The following BMPR1A variants were observed in gnomAD, a reference collection of about 807,000 sequenced individuals.
BMPR1A encodes bone morphogenetic protein receptor type 1A, also known as bone morphogenetic protein receptor type-1A.
Under a neutral mutation model 66.0 loss-of-function variants are expected in BMPR1A, and 7 were observed. The ratio of observed to expected loss-of-function variants is 0.11; its 90% CI spans 0.06 to 0.20. The LOEUF (loss-of-function observed/expected upper bound fraction) is 0.20. Ranked by LOEUF, BMPR1A falls within the 10% of genes least tolerant of loss-of-function variation. The probability of loss-of-function intolerance (pLI) is 1.00; values close to 1 mark genes in which losing one functional copy is unlikely to be tolerated. For synonymous variants in BMPR1A, 200 were observed against 229.7 expected (o/e 0.87, Z 1.17); for missense variants, 408 against 669.1 (o/e 0.61, Z 4.31).
chr10:86,922,950 A>T (rs984764396), intron 11 of BMPR1A, among the ~76,000 whole-genome samples: 1 of 152,270 alleles, frequency 6.6e-6, no homozygotes, highest in Admixed American at 6.5e-5. Flanking sequence ...CGCCTTTCCT[A>T]AGGGAAGGTC....
At chr10:86,852,187 A>G (rs1310477553) in intron 2 of BMPR1A, among the ~76,000 whole-genome samples, 2 of 152,182 alleles carry the variant, frequency 1.3e-5, no homozygotes, top group Non-Finnish European at 2.9e-5. Context: ...TTACTAGGCT[A>G]TACAGCAAGT....
At chr10:86,879,797 A>G (rs576035148) in intron 3 of BMPR1A, among the ~76,000 whole-genome samples, 2 of 152,222 alleles carry the variant, frequency 1.3e-5, no homozygotes, top group African/African-American at 4.8e-5. Flanking sequence ...TATATCCAGT[A>G]TCCAGTGATA....
intron 1 of BMPR1A, among the ~76,000 whole-genome samples, chr10:86,795,597 T>C (rs1841697018): frequency 6.6e-6 from 1 of 152,118 alleles, no homozygotes; most frequent in Non-Finnish European, 1.5e-5. Context: ...AGAGAAGCAA[T>C]AGTGAGGCTA....
intron 3 of BMPR1A, among the ~76,000 whole-genome samples, chr10:86,885,747 A>G (rs1008008211): frequency 6.6e-6 from 1 of 152,226 alleles, no homozygotes; most frequent in Admixed American, 6.5e-5. Flanking sequence ...GTGCATCAGT[A>G]GCCCATTGGT....
intron 2 of BMPR1A, among the ~76,000 whole-genome samples, chr10:86,871,802 C>CA (rs35659562): frequency 2.0e-3 from 249 of 123,810 alleles, no homozygotes; most frequent in African/African-American, 3.7e-3. Context: ...ACTCTGCCTC[C>CA]AAAAAAAAAA....
chr10:86,855,800 T>C, intron 2 of BMPR1A: 1 of 1,141,904 alleles, frequency 8.8e-7, no homozygotes, highest in South Asian at 1.6e-5. Context: ...ATTTGGTCTG[T>C]TTCCTGGTAG....
chr10:86,788,852 C>T (rs1429840727), intron 1 of BMPR1A, among the ~76,000 whole-genome samples: 1 of 152,106 alleles, frequency 6.6e-6, no homozygotes, highest in Non-Finnish European at 1.5e-5. Flanking sequence ...GGCGATTCAC[C>T]CACCTCAGTC....
At chr10:86,892,879 A>G (rs2133413564) in intron 5 of BMPR1A, among the ~76,000 whole-genome samples, 1 of 151,974 alleles carries the variant, frequency 6.6e-6, no homozygotes, top group South Asian at 2.1e-4. Context: ...AAAAAAAAAA[A>G]AATTCTTTTT....
At chr10:86,837,230 G>GCTGTGTGTGTGTGTGTGTGTGT (rs1554883358) in intron 1 of BMPR1A, among the ~76,000 whole-genome samples, 171 of 86,894 alleles carry the variant, frequency 2.0e-3, no homozygotes, top group African/African-American at 6.2e-3. Flanking sequence ...TTAGAATCAG[G>GCTGTGTGTGTGTGTGTGTGTGT]CTGTGTGTGT....
chr10:86,928,296 C>G (rs1423166463), downstream of BMPR1A: 1 of 145,872 alleles, frequency 6.9e-6, no homozygotes, highest in Admixed American at 7.0e-5. Flanking sequence ...GATCTCAGCT[C>G]ACTGCAACCT....
intron 2 of BMPR1A, among the ~76,000 whole-genome samples, chr10:86,852,905 T>C (rs958422992): frequency 2.0e-5 from 3 of 152,094 alleles, no homozygotes; most frequent in Admixed American, 2.0e-4. Flanking sequence ...CTAATAAATG[T>C]GATAGAATTG....
chr10:86,803,479 G>A (rs1296019864), intron 1 of BMPR1A, among the ~76,000 whole-genome samples: 1 of 152,028 alleles, frequency 6.6e-6, no homozygotes, highest in East Asian at 1.9e-4. Context: ...GTGTTTTCCA[G>A]TTCTTTTATA....
chr10:86,796,930 T>C (rs1325140719), intron 1 of BMPR1A, among the ~76,000 whole-genome samples: 3 of 152,208 alleles, frequency 2.0e-5, no homozygotes, highest in Non-Finnish European at 2.9e-5. Context: ...TTATTCTCTT[T>C]AGCTCTCATG....
intron 1 of BMPR1A, among the ~76,000 whole-genome samples, chr10:86,814,466 TCTTA>T (rs775920756): frequency 9.9e-5 from 15 of 152,268 alleles, no homozygotes; most frequent in Non-Finnish European, 1.9e-4. Flanking sequence ...TTATCTTCCT[TCTTA>T]CTTTCAATTT....
chr10:86,879,785 A>G (rs1224967528), intron 3 of BMPR1A, among the ~76,000 whole-genome samples: 1 of 152,240 alleles, frequency 6.6e-6, no homozygotes, highest in East Asian at 1.9e-4. Context: ...ATCAGTGCAC[A>G]GTATATCCAG....
At chr10:86,773,071 G>C (rs561012433) in intron 1 of BMPR1A, among the ~76,000 whole-genome samples, 2 of 151,806 alleles carry the variant, frequency 1.3e-5, no homozygotes, top group African/African-American at 4.8e-5. Context: ...TGTAGGGGTG[G>C]GGGTATCTGA....
chr10:86,821,828 C>T (rs1479220849), intron 1 of BMPR1A, among the ~76,000 whole-genome samples: 6 of 151,728 alleles, frequency 4.0e-5, no homozygotes, highest in East Asian at 1.9e-4. Context: ...TTTCTTGAGA[C>T]GGGTTCTTGG....
At chr10:86,884,269 A>G (rs980612885) in intron 3 of BMPR1A, among the ~76,000 whole-genome samples, 6 of 151,734 alleles carry the variant, frequency 4.0e-5, no homozygotes, top group Non-Finnish European at 8.8e-5. Flanking sequence ...AATTTTTTGT[A>G]GAGACCAGGT....
chr10:86,806,041 C>G (rs934624468), intron 1 of BMPR1A, among the ~76,000 whole-genome samples: 2 of 152,034 alleles, frequency 1.3e-5, no homozygotes, highest in African/African-American at 4.8e-5. Context: ...ATGACATCAA[C>G]ATTTTTGAAG....
Sources: gnomAD v4.1 joint callset for allele counts (sites outside exome capture counted in the v4.1 genomes callset) on GRCh38, gnomAD v4.1.1 for gene constraint, MANE v1.5 for transcripts, NCBI Gene and HGNC (gene_info 2026-07-23, HGNC 2026-07-21) for gene names.